FLNB: variants seen among roughly 807,000 people sequenced by gnomAD.
FLNB encodes the protein filamin B, also known as filamin-B.
FLNB carries 111 observed loss-of-function variants against 250.6 expected under a neutral mutation model. The ratio of observed to expected loss-of-function variants is 0.44; its 90% CI spans 0.38 to 0.52. The LOEUF is 0.52. Ranked by LOEUF, FLNB falls within the 20% of genes least tolerant of loss-of-function variation. The pLI, the probability that FLNB is intolerant of heterozygous loss-of-function variation, is 0.00. For missense variants in FLNB, 2,869 were observed against 3,447.8 expected (o/e 0.83, Z 4.20); for synonymous variants, 1,302 against 1,372.1 (o/e 0.95, Z 1.13).
chr3:58,029,765 G>A (rs1048011054), intron 1 of FLNB, among the ~76,000 whole-genome samples: 7 of 151,610 alleles, frequency 4.6e-5, no homozygotes, highest in African/African-American at 9.7e-5. Context: ...CGACCTCCCC[G>A]GCCTCCCAAA....
intron 25 of FLNB, 102 bp from the exon 26 acceptor site, chr3:58,132,706 C>A: frequency 6.7e-7 from 1 of 1,483,728 alleles, no homozygotes; most frequent in Non-Finnish European, 9.4e-7. Context: ...CAGTGGAAAC[C>A]AATAGCTCTT....
At chr3:58,159,739 G>C (rs774704301) in intron 42 of FLNB, 53 bp downstream of exon 42, 256 of 1,598,286 alleles carry the variant, frequency 1.6e-4, no homozygotes, top group Non-Finnish European at 2.0e-4. Flanking sequence ...CCAGCAGAAT[G>C]TTCCTGTAAA....
rs1379156021 is a variant in FLNB, at chr3:58,148,758, T to G, written c.5997T>G (p.Ile1999Met). 1 of 1,613,730 alleles carries G rather than the reference T, an allele frequency of 6.2e-7. No individual in the cohort carries two copies. Among genetic ancestry groups the G allele is most frequent in the Non-Finnish European group, 8.5e-7 (1 of 1,179,950 alleles). Residue 1999 changes from isoleucine (I) to methionine (M), a missense_variant, in exon 36 of 46, where the codon ATT (isoleucine) becomes ATG (methionine). Physicochemically the swap from Ile to Met is conservative, Grantham distance 10 (BLOSUM62 1). Coordinates refer to ENST00000295956, the MANE Select transcript of FLNB (RefSeq NM_001457.4). Reference protein sequence around the residue: ...PVSIMVVQSEIGDARRAKVYG... With the variant: ...PVSIMVVQSEMGDARRAKVYG... The stretch of plus-strand genomic sequence containing the variant: ...CTATCATGGTGGTCCAGTCGGAGAT[T>G]GGTGACGCCCGCCGAGCCAAAGTCT...
chr3:58,060,706 T>C (rs1244780971), intron 1 of FLNB, among the ~76,000 whole-genome samples: 1 of 136,496 alleles, frequency 7.3e-6, no homozygotes. Context: ...TCCCAGCTAC[T>C]TGTGAGGCTG....
intron 24 of FLNB, 109 bp downstream of exon 24, chr3:58,126,871 G>T (rs2097298857): frequency 2.0e-6 from 2 of 1,005,602 alleles, no homozygotes; most frequent in Non-Finnish European, 1.5e-6. Flanking sequence ...ATTTGTAATA[G>T]CTGCAAAAGG....
At chr3:58,087,187 AG>A (rs1405250515) in intron 4 of FLNB, among the ~76,000 whole-genome samples, 1 of 152,218 alleles carries the variant, frequency 6.6e-6, no homozygotes, top group Non-Finnish European at 1.5e-5. Context: ...GATATTTATA[AG>A]ATAATTGAAA....
chr3:58,141,321 T>C (rs1312210996), intron 29 of FLNB, among the ~76,000 whole-genome samples: 1 of 152,214 alleles, frequency 6.6e-6, no homozygotes, highest in East Asian at 1.9e-4. Context: ...CCTGATTCTG[T>C]GCTGCAGAGA....
At chr3:58,054,888 T>G (rs181808149) in intron 1 of FLNB, among the ~76,000 whole-genome samples, 25 of 152,316 alleles carry the variant, frequency 1.6e-4, no homozygotes, top group Middle Eastern at 3.4e-3. Flanking sequence ...ACTCATTTAT[T>G]TATGTACTGT....
In FLNB at chr3:58,008,468, C is replaced by T. The variant is rs150348065; in HGVS notation, c.-97C>T. On this transcript the variant is annotated 5_prime_UTR_variant, in exon 1 of 46. Coordinates refer to ENST00000295956, the MANE Select transcript of FLNB (RefSeq NM_001457.4). ...CCGGTAGCAGCAAGTTCGAACCCCGCTCCCGCTCCGCTTCGGTTCTCGCTC... is the reference window on the plus strand; with the variant it reads ...CCGGTAGCAGCAAGTTCGAACCCCGTTCCCGCTCCGCTTCGGTTCTCGCTC... 1,293 of 1,429,856 alleles carry T rather than the reference C, an allele frequency of 9.0e-4. 2 individuals are homozygous for T. In the Middle Eastern group the frequency reaches 0.014, roughly 15 times the overall value. The allele number at this position is 1,429,856 out of a possible 1,614,324, so 88.6% of individuals were successfully genotyped here.
chr3:58,053,731 G>C (rs7620995), intron 1 of FLNB, among the ~76,000 whole-genome samples: 10,601 of 152,120 alleles, frequency 0.07, 1,234 homozygotes, highest in African/African-American at 0.24. Context: ...CAAAGTGCTG[G>C]GATTACAGAC....
At position 58,148,834 on chromosome 3, in the gene FLNB, G is replaced by T. The variant is rs774677814; in HGVS notation, c.6073G>T (p.Val2025Leu). ...GACTTTCGAGATGTCTGACTTCATC[G>T]TGGACACAAGGGATGCAGGTCTGTG... ...GRTFEMSDFI[V>L]DTRDAGYGGI... The change falls in exon 36 of 46, where the codon GTG becomes TTG. Residue 2025 changes from valine to leucine, a missense_variant. Around this residue, in one of 5 missense-constraint regions of FLNB, gnomAD observed 1,084 missense variants for 1,315.5 expected, o/e 0.82. Coordinates refer to ENST00000295956, the MANE Select transcript of FLNB (RefSeq NM_001457.4). 2 of 1,613,044 alleles carry T rather than the reference G, an allele frequency of 1.2e-6. No individual in the cohort carries two copies. The highest frequency in any genetic ancestry group is 1.7e-5 in the Admixed American group (1 of 60,018).
At chr3:58,035,484 C>T (rs545974273) in intron 1 of FLNB, among the ~76,000 whole-genome samples, 6 of 152,046 alleles carry the variant, frequency 3.9e-5, no homozygotes, top group East Asian at 1.9e-4. Flanking sequence ...GTTTAGGGAA[C>T]GCAACATGTA....
intron 4 of FLNB, among the ~76,000 whole-genome samples, chr3:58,093,633 T>TCA (rs3060336): frequency 0.21 from 30,717 of 149,412 alleles, 3,732 homozygotes; most frequent in Middle Eastern, 0.33. Flanking sequence ...ATACTTATGT[T>TCA]CACACACACA....
intron 1 of FLNB, among the ~76,000 whole-genome samples, chr3:58,018,962 C>CAAAAAA (rs34503609): frequency 4.2e-5 from 3 of 71,402 alleles, no homozygotes; most frequent in African/African-American, 1.0e-4. Flanking sequence ...CACATCTCTA[C>CAAAAAA]AAAAAAAAAA....
At chr3:58,040,101 T>C (rs2097143927) in intron 1 of FLNB, among the ~76,000 whole-genome samples, 1 of 152,160 alleles carries the variant, frequency 6.6e-6, no homozygotes. Flanking sequence ...GCTGAGACTG[T>C]GCCGTTGTAC....
At chr3:58,130,605 C>T (rs2097305684) in intron 24 of FLNB, 136 bp from the exon 25 acceptor site, 2 of 772,154 alleles carry the variant, frequency 2.6e-6, no homozygotes, top group Admixed American at 4.2e-5. Context: ...ATGAGCAGTG[C>T]ACACAGTGAG....
intron 11 of FLNB, among the ~76,000 whole-genome samples, chr3:58,106,352 CTA>C (rs10540627): frequency 0.058 from 7,755 of 132,858 alleles, 641 homozygotes; most frequent in East Asian, 0.36. Flanking sequence ...GTATTTAATA[CTA>C]TATATATATA....
At chr3:58,109,064 G>C in intron 13 of FLNB, 115 bp from the exon 14 acceptor site, 1 of 1,224,474 alleles carries the variant, frequency 8.2e-7, no homozygotes, top group Non-Finnish European at 1.2e-6. Flanking sequence ...GTTGGTCCAT[G>C]AAGTTTTGTT....
chr3:58,147,472 C>T (rs2097337575), intron 34 of FLNB, among the ~76,000 whole-genome samples: 1 of 152,168 alleles, frequency 6.6e-6, no homozygotes, highest in South Asian at 2.1e-4. Flanking sequence ...CCTCACCTTG[C>T]TGTGTTCAGG....
Sources: gnomAD v4.1 joint callset for allele counts (sites outside exome capture counted in the v4.1 genomes callset) on GRCh38, gnomAD v4.1.1 for gene constraint, gnomAD v4.1.1 regional missense constraint, MANE v1.5 for transcripts, NCBI Gene and HGNC (gene_info 2026-07-23, HGNC 2026-07-21) for gene names.